Variants in PRB3 observed in about 807,000 individuals in gnomAD.
PRB3 encodes proline rich protein BstNI subfamily 3.
PRB3 carries 9 observed loss-of-function variants against 10.0 expected under a neutral mutation model. The observed-to-expected ratio is 0.90, with a 90% CI of 0.54 to 1.57. PRB3 has a LOEUF of 1.57. Among genes scored for constraint, PRB3 ranks in the 40% most tolerant of loss-of-function variants. The pLI is 0.00. For missense variants in PRB3, 285 were observed against 385.5 expected (o/e 0.74, Z 2.18); for synonymous variants, 89 against 138.6 (o/e 0.64, Z 2.52).
intron 1 of PRB3, 96 bp from the exon 2 acceptor site, chr12:11,268,764 CCA>C (rs1948622456): frequency 5.1e-6 from 7 of 1,370,164 alleles, no homozygotes; most frequent in Non-Finnish European, 7.3e-6. Flanking sequence ...TCACCACACC[CCA>C]TGCATCCCCT....
intron 2 of PRB3, among the ~76,000 whole-genome samples, 156 bp from the exon 3 acceptor site, chr12:11,268,304 G>T (rs1195195988): frequency 6.6e-6 from 1 of 152,196 alleles, no homozygotes. Context: ...TGCTGGAGAA[G>T]AAGGAAGCAG....
chr12:11,266,889 G>A (rs1264486547), intron 3 of PRB3, among the ~76,000 whole-genome samples: 1 of 152,158 alleles, frequency 6.6e-6, no homozygotes, highest in Non-Finnish European at 1.5e-5. Flanking sequence ...CTGAGTTTGT[G>A]GACCGAAAGC....
At chr12:11,267,063 A>T in intron 3 of PRB3, 113 bp downstream of exon 3, 1 of 1,091,340 alleles carries the variant, frequency 9.2e-7, no homozygotes, top group Admixed American at 1.8e-5. Context: ...ATCTTTAGAA[A>T]TGGGTTCTAG....
At chr12:11,268,180 A>G in intron 2 of PRB3, 32 bp from the exon 3 acceptor site, 2 of 1,613,518 alleles carry the variant, frequency 1.2e-6, no homozygotes, top group Non-Finnish European at 8.5e-7. Context: ...CATTCACTGA[A>G]TAGTTGCCGC....
At chr12:11,268,438 A>T (rs114840940) in intron 2 of PRB3, among the ~76,000 whole-genome samples, 195 bp downstream of exon 2, 214 of 152,298 alleles carry the variant, frequency 1.4e-3, no homozygotes, top group African/African-American at 5.0e-3. Context: ...TAAGCCAAGC[A>T]TCTCTGCCAT....
chr12:11,269,565 C>G, intron 1 of PRB3, 41 bp downstream of exon 1: 1 of 1,608,504 alleles, frequency 6.2e-7, no homozygotes, highest in Non-Finnish European at 8.5e-7. Context: ...CCTCCTAAGC[C>G]CCAAGCAGAG....
Position 11,265,952 on chromosome 12 carries a change from A to C in PRB3, c.*95T>G. On this transcript the variant is annotated 3_prime_UTR_variant, in exon 4 of 4. Coordinates refer to ENST00000538488, the MANE Select transcript of PRB3 (RefSeq NM_001394862.1). Reference sequence around the variant, plus strand: ...GCTGTTTATTTTATTGGTATATTAAAGGTAGAGCTATGACCACCTTCTTCC... The same window carrying C: ...GCTGTTTATTTTATTGGTATATTAACGGTAGAGCTATGACCACCTTCTTCC... 1 of 456,458 alleles carries C rather than the reference A, an allele frequency of 2.2e-6. No homozygotes were observed. The highest frequency in any genetic ancestry group is 1.5e-5 in the South Asian group (1 of 64,544). The allele number at this position is 456,458 out of a possible 1,614,324, so 28.3% of individuals were successfully genotyped here.
Position 11,267,250 on chromosome 12 carries a change from AGGTGGTCCCTGG to A in PRB3, c.987_998del (p.Gln330_Pro333del). The A allele has an allele frequency of 1.2e-6, 2 of 1,613,796 alleles. No individual in the cohort carries two copies. Among genetic ancestry groups the A allele is most frequent in the Non-Finnish European group, 1.7e-6 (2 of 1,179,884 alleles). ...GTGGTCTGCCCCCTTGAGGAGGTGGAGGTGGTCCCTGGGGCTTTCCAGCGGGAGGTGGCAGAG... is the reference window on the plus strand; with the variant it reads ...GTGGTCTGCCCCCTTGAGGAGGTGGAGGCTTTCCAGCGGGAGGTGGCAGAG... On this transcript the variant is annotated inframe_deletion, in exon 3 of 4. Coordinates refer to ENST00000538488, the MANE Select transcript of PRB3 (RefSeq NM_001394862.1).
At chr12:11,269,165 C>T (rs1371725536) in intron 1 of PRB3, among the ~76,000 whole-genome samples, 1 of 152,124 alleles carries the variant, frequency 6.6e-6, no homozygotes, top group Non-Finnish European at 1.5e-5. Flanking sequence ...TAGACACAGG[C>T]AAGTGTTTTA....
Position 11,267,326 on chromosome 12 carries a change from G to A in PRB3, c.923C>T (p.Pro308Leu), listed in dbSNP as rs1246078120. 6.2e-7 allele frequency: 1 copy of A among 1,611,750 alleles called. No homozygotes were observed. The highest frequency in any genetic ancestry group is 2.2e-5 in the East Asian group (1 of 44,782). Residue 308 changes from proline (P) to leucine (L), a missense_variant, in exon 3 of 4, where the codon CCA becomes CTA. By Grantham distance (98) the Pro-to-Leu change is moderately conservative (BLOSUM62 -3). Transcript: ENST00000538488. ...GCCTCCTGGTGGGGGTGGTCCTTGT[G>A]GCCTTCCTGGAGGAGGGGGACGTTG... ...KPQRPPPPGR[P>L]QGPPPPGGNP...
At chr12:11,266,136 C>A in intron 3 of PRB3, 107 bp from the exon 4 acceptor site, 1 of 396,662 alleles carries the variant, frequency 2.5e-6, no homozygotes, top group South Asian at 1.9e-5. Flanking sequence ...CCCATCCTCT[C>A]TCCCCAATCC....
intron 1 of PRB3, 22 bp from the exon 2 acceptor site, chr12:11,268,690 A>AT: frequency 6.2e-7 from 1 of 1,612,192 alleles, no homozygotes; most frequent in Non-Finnish European, 8.5e-7. Context: ...GCACAGGATG[A>AT]TGGGAAAGGT....
rs73270219 is a variant in PRB3, at chr12:11,266,470, C to T, written c.*18-441G>A. ...ACCACTGAAGAGATGTATTTAGCTT[C>T]ATAAACTGATGTGGAAATTTTCAAG... On this transcript the variant is annotated intron_variant, in intron 3 of 3. Transcript: ENST00000538488. Among the ~76,000 whole-genome samples, 937 of 152,268 alleles carry T rather than the reference C, an allele frequency of 6.2e-3. 8 individuals carry two copies. The highest frequency in any genetic ancestry group is 0.021 in the African/African-American group (875 of 41,546).
Position 11,267,804 on chromosome 12 carries a change from CT to C in PRB3, c.444del (p.Gly149GlufsTer242). ...PGKPEGPPPQGGNQSQGPPPR... is the reference protein window; with the variant it reads ...PGKPEGPPPQXGNQSQGPPPR... Reference sequence around the variant, plus strand: ...GGCGGGGGACCTTGGGACTGGTTTCCTCCTTGTGGGGGTGGTCCTTCTGGCT... The same window carrying C: ...GGCGGGGGACCTTGGGACTGGTTTCCCCTTGTGGGGGTGGTCCTTCTGGCT... On this transcript the variant is annotated frameshift_variant, in exon 3 of 4. Transcript: ENST00000538488. LOFTEE classifies it low-confidence loss of function (END_TRUNC). The C allele has an allele frequency of 2.6e-6, 1 of 384,098 alleles. No homozygotes were observed. The allele number at this position is 384,098 out of a possible 1,614,324, so 23.8% of individuals were successfully genotyped here.
rs902799698 is a variant in PRB3, at chr12:11,267,277, A to G, written c.972T>C (p.Pro324=). Residue 324 remains proline (P), a synonymous_variant, in exon 3 of 4, where the codon CCT becomes CCC. Transcript: ENST00000538488. ...GTGGTCCCTGGGGCTTTCCAGCGGG[A>G]GGTGGCAGAGGCTGCTGGGGATTGC... The part of the protein sequence containing the change: ...PGGNPQQPLP[P]PAGKPQGPPP... The G allele has an allele frequency of 1.9e-6, 3 of 1,612,566 alleles. No homozygotes were observed. The African/African-American group carries it at 4.0e-5, about 22-fold the overall frequency.
At position 11,267,183 on chromosome 12, in the gene PRB3, T is replaced by G. The variant is rs748330269; in HGVS notation, c.*10A>C. 6.2e-7 allele frequency: 1 copy of G among 1,603,476 alleles called. No homozygotes were observed. Among genetic ancestry groups the G allele is most frequent in the Non-Finnish European group, 8.5e-7 (1 of 1,170,404 alleles). On this transcript the variant is annotated 3_prime_UTR_variant, in exon 3 of 4. Transcript: ENST00000538488. ...AATAAACTGGAATCATACCTGTCAT[T>G]GAACCTTGATTACTGGGGAGGCTGT...
chr12:11,268,058 C>T lies in PRB3; in HGVS notation c.191G>A (p.Gly64Glu), dbSNP rs748592997. The change falls in exon 3 of 4, where the codon GGA becomes GAA. Residue 64 changes from glycine to glutamate, a missense_variant. This residue lies in a region of PRB3 where 147 missense variants were observed against 129.4 expected (regional missense o/e 1.14). Coordinates refer to ENST00000538488, the MANE Select transcript of PRB3 (RefSeq NM_001394862.1). ...TGGGGGACCTTGGGACTGGTTGCCT[C>T]CTTGTGGGGGTCGTCCTTCTGGCTT... ...PGKPEGRPPQ[G>E]GNQSQGPPPR... The T allele has an allele frequency of 3.1e-6, 5 of 1,605,020 alleles. No individual in the cohort carries two copies. Among genetic ancestry groups the T allele is most frequent in the South Asian group, 1.1e-5 (1 of 90,686 alleles).
rs1948583515 is a variant in PRB3 at position 11,266,021 on chromosome 12, GT to G, written c.*25del. On this transcript the variant is annotated 3_prime_UTR_variant, in exon 4 of 4. Transcript: ENST00000538488. ...TCATTTGAATCACTGTCATCTTCTT[GT>G]TCACTTCCTGAAACAAACAAACAAG... 1 of 455,806 alleles carries G rather than the reference GT, an allele frequency of 2.2e-6. No homozygotes were observed. Among genetic ancestry groups the G allele is most frequent in the Non-Finnish European group, 4.4e-6 (1 of 226,766 alleles). 28.2% of individuals were successfully genotyped at this position (455,806 alleles called of 1,614,324 possible).
In PRB3 at chr12:11,267,363, C is replaced by T; in HGVS notation, c.886G>A (p.Gly296Ser). The T allele has an allele frequency of 1.3e-6, 2 of 1,591,344 alleles. No homozygotes were observed. Among genetic ancestry groups the T allele is most frequent in the South Asian group, 2.2e-5 (2 of 90,416 alleles). ...GKPQGPPPQE[G>S]NKPQRPPPPG... ...GGAGGGGGACGTTGAGGTTTGTTAC[C>T]TTCTTGTGGGGGTGGTCCTTGTGGC... The change falls in exon 3 of 4, where the codon GGT becomes AGT. Residue 296 changes from glycine to serine, a missense_variant. Transcript: ENST00000538488.
Sources: allele counts gnomAD v4.1 joint callset (sites outside exome capture counted in the v4.1 genomes callset), GRCh38; gene constraint gnomAD v4.1.1; regional missense constraint gnomAD v4.1.1; transcripts MANE v1.5; gene names NCBI Gene and HGNC (gene_info 2026-07-23, HGNC 2026-07-21).